The following RBFOX1 variants were observed in gnomAD, a reference collection of about 807,000 sequenced individuals.
RBFOX1 encodes RNA binding fox-1 homolog 1.
In RBFOX1, 8 loss-of-function variants were observed where a neutral mutation model predicts 57.7. The observed-to-expected ratio is 0.14, with a 90% CI of 0.08 to 0.25. RBFOX1 has a LOEUF of 0.25. RBFOX1 is among the 10% of genes least tolerant of loss of function. The pLI is 1.00. For missense variants in RBFOX1, 611 were observed against 548.5 expected (o/e 1.11, Z -1.14); for synonymous variants, 326 against 222.4 (o/e 1.47, Z -4.15).
At chr16:7,589,912 GGT>G (rs3029164) in intron 7 of RBFOX1, among the ~76,000 whole-genome samples, 1,672 of 135,010 alleles carry the variant, frequency 0.012, 13 homozygotes, top group Middle Eastern at 0.038. Context: ...GTGTGTGCTG[GGT>G]GTGTGTGTGT....
chr16:6,916,183 C>A (rs545146339), intron 3 of RBFOX1, among the ~76,000 whole-genome samples: 9 of 152,074 alleles, frequency 5.9e-5, no homozygotes, highest in Non-Finnish European at 1.3e-4. Context: ...ATGCTAAGGA[C>A]TGGAAATAAA....
chr16:6,687,234 A>G (rs574585933), intron 3 of RBFOX1, among the ~76,000 whole-genome samples: 13 of 152,286 alleles, frequency 8.5e-5, no homozygotes, highest in Admixed American at 2.6e-4. Context: ...GAGCTAAGCT[A>G]TGACTCTGCA....
chr16:6,252,465 A>G (rs948739730), intron 1 of RBFOX1, among the ~76,000 whole-genome samples: 10 of 152,164 alleles, frequency 6.6e-5, no homozygotes, highest in African/African-American at 1.9e-4. Flanking sequence ...TGCAATGACT[A>G]TCACTGAAAA....
intron 1 of RBFOX1, among the ~76,000 whole-genome samples, chr16:6,066,212 T>G (rs1177861383): frequency 7.0e-6 from 1 of 142,406 alleles, no homozygotes; most frequent in Non-Finnish European, 1.5e-5. Context: ...GAGAATTGCT[T>G]GAACTGGGGG....
At chr16:5,514,102 C>T (rs74004356) in intron 2 of RBFOX1, among the ~76,000 whole-genome samples, 1,984 of 152,252 alleles carry the variant, frequency 0.013, 53 homozygotes, top group African/African-American at 0.046. Context: ...TGTCTAATCA[C>T]GTTAGGTAAT....
At chr16:6,824,584 T>C (rs1029203178) in intron 3 of RBFOX1, among the ~76,000 whole-genome samples, 1 of 152,204 alleles carries the variant, frequency 6.6e-6, no homozygotes, top group African/African-American at 2.4e-5. Flanking sequence ...AATACAAGTC[T>C]GTAAGTTAAA....
intron 3 of RBFOX1, among the ~76,000 whole-genome samples, chr16:6,856,802 C>A (rs1368234285): frequency 1.3e-5 from 2 of 152,090 alleles, no homozygotes; most frequent in African/African-American, 2.4e-5. Flanking sequence ...TAACAGTTGG[C>A]ATTTTAAGCA....
intron 3 of RBFOX1, among the ~76,000 whole-genome samples, chr16:7,009,937 G>A (rs530178242): frequency 2.0e-5 from 3 of 152,130 alleles, no homozygotes; most frequent in African/African-American, 4.8e-5. Context: ...TTTTGCCATT[G>A]GCTACAAGGA....
intron 2 of RBFOX1, among the ~76,000 whole-genome samples, chr16:6,595,162 T>C (rs1049656036): frequency 6.6e-6 from 1 of 152,170 alleles, no homozygotes; most frequent in Non-Finnish European, 1.5e-5. Context: ...TTTAGCATAT[T>C]TTTATTGCTC....
At chr16:7,161,020 C>T (rs567703836) in intron 4 of RBFOX1, among the ~76,000 whole-genome samples, 1 of 152,268 alleles carries the variant, frequency 6.6e-6, no homozygotes, top group East Asian at 1.9e-4. Flanking sequence ...ATGTGTTGGT[C>T]CATTTGTTGT....
At chr16:6,790,747 A>T (rs1446084140) in intron 3 of RBFOX1, among the ~76,000 whole-genome samples, 1 of 151,540 alleles carries the variant, frequency 6.6e-6, no homozygotes, top group East Asian at 1.9e-4. Context: ...GTGTCTCTAG[A>T]CCCTCCTTAT....
intron 14 of RBFOX1, among the ~76,000 whole-genome samples, chr16:7,693,696 A>G (rs2077920792): frequency 6.6e-6 from 1 of 152,194 alleles, no homozygotes; most frequent in South Asian, 2.1e-4. Context: ...AAGATTAGGT[A>G]CACAGACGTA....
chr16:6,904,098 T>C (rs1454838152), intron 3 of RBFOX1, among the ~76,000 whole-genome samples: 4 of 152,202 alleles, frequency 2.6e-5, no homozygotes, highest in Non-Finnish European at 5.9e-5. Context: ...GATGCTCTTA[T>C]TCACCACCCC....
intron 3 of RBFOX1, among the ~76,000 whole-genome samples, chr16:6,817,532 TAAAAAA>T (rs71145302): frequency 2.4e-5 from 3 of 127,580 alleles, no homozygotes; most frequent in East Asian, 2.3e-4. Flanking sequence ...TTTCTTTGCT[TAAAAAA>T]AAAAAAAAAA....
chr16:6,737,579 A>T (rs2070760278), intron 3 of RBFOX1, among the ~76,000 whole-genome samples: 1 of 152,142 alleles, frequency 6.6e-6, no homozygotes, highest in South Asian at 2.1e-4. Flanking sequence ...TGCTTCTAGG[A>T]TGTGTTTTCT....
intron 1 of RBFOX1, among the ~76,000 whole-genome samples, chr16:5,384,309 C>T (rs761131846): frequency 1.1e-4 from 16 of 152,130 alleles, no homozygotes; most frequent in South Asian, 8.3e-4. Context: ...GCAGCAGCAG[C>T]GAATCATCTC....
chr16:5,395,827 C>T lies in RBFOX1; in HGVS notation c.220-71389C>T, dbSNP rs573882493. Among the ~76,000 whole-genome samples the T allele has an allele frequency of 3.3e-5, 5 of 152,328 alleles. No individual in the cohort carries two copies. The East Asian group carries it at 9.6e-4, about 29-fold the overall frequency. The stretch of plus-strand genomic sequence containing the variant: ...AGTATGCGGCCATTTGGGAGAAGCC[C>T]ATGTAGCAAGGCACTGTGGGCAGCC... On this transcript the variant is annotated intron_variant, in intron 1 of 2. Coordinates refer to the RBFOX1 transcript ENST00000585867.
chr16:7,101,889 C>A (rs1319109114), intron 4 of RBFOX1, among the ~76,000 whole-genome samples: 1 of 152,088 alleles, frequency 6.6e-6, no homozygotes, highest in Non-Finnish European at 1.5e-5. Context: ...GTAAACTGTA[C>A]CAAAGCATGG....
At chr16:5,357,019 G>A (rs968916885) in intron 1 of RBFOX1, among the ~76,000 whole-genome samples, 3 of 152,188 alleles carry the variant, frequency 2.0e-5, no homozygotes, top group African/African-American at 7.2e-5. Context: ...AGGAGATGGA[G>A]GCTTACAGAG....
Sources: gnomAD v4.1 joint callset for allele counts (sites outside exome capture counted in the v4.1 genomes callset) on GRCh38, gnomAD v4.1.1 for gene constraint, MANE v1.5 for transcripts, NCBI Gene and HGNC (gene_info 2026-07-23, HGNC 2026-07-21) for gene names.